XXYLT1: variants seen among roughly 807,000 people sequenced by gnomAD.
XXYLT1 encodes the protein xyloside xylosyltransferase 1.
A neutral mutation model predicts 28.9 loss-of-function variants in XXYLT1; 20 were observed. The ratio of observed to expected loss-of-function variants is 0.69; its 90% CI spans 0.49 to 1.00. The LOEUF (loss-of-function observed/expected upper bound fraction) is 1.00, where lower values mean the gene tolerates loss of function less well. Ranked by LOEUF, XXYLT1 falls within the 50% of genes least tolerant of loss-of-function variation. The probability of loss-of-function intolerance (pLI) is 0.00; values close to 1 mark genes in which losing one functional copy is unlikely to be tolerated. For missense variants in XXYLT1, 542 were observed against 560.1 expected (o/e 0.97, Z 0.33); for synonymous variants, 257 against 253.8 (o/e 1.01, Z -0.12).
intron 2 of XXYLT1, among the ~76,000 whole-genome samples, chr3:195,212,091 A>AC (rs1371826315): frequency 3.3e-5 from 4 of 121,484 alleles, no homozygotes; most frequent in African/African-American, 9.4e-5. Context: ...ACGGAATGCC[A>AC]TGGGAAGATC....
At position 195,110,047 on chromosome 3, in the gene XXYLT1, CGTGTGTGTG is replaced by C. The variant is rs1180291401; in HGVS notation, c.786-39945_786-39937del. Among the ~76,000 whole-genome samples the C allele has an allele frequency of 6.0e-4, 21 of 34,854 alleles. 6 individuals are homozygous for C. Among genetic ancestry groups the C allele is most frequent in the South Asian group, 2.0e-3 (2 of 982 alleles). The allele number at this position is 34,854 out of a possible 152,430, so 22.9% of individuals were successfully genotyped here. On this transcript the variant is annotated intron_variant, in intron 3 of 3. Transcript: ENST00000310380. ...AGTGTGCATGTCTGGTGTATGTGTGCGTGTGTGTGGTGTGTGTGGTGTCTGGTGTGTGTG... is the reference window on the plus strand; with the variant it reads ...AGTGTGCATGTCTGGTGTATGTGTGCGTGTGTGTGGTGTCTGGTGTGTGTG...
chr3:195,109,698 C>CTGTG (rs767695347), intron 3 of XXYLT1, among the ~76,000 whole-genome samples: 5,117 of 17,294 alleles, frequency 0.3, 1,291 homozygotes, highest in African/African-American at 0.46. Flanking sequence ...TGTGTGGTGT[C>CTGTG]TGGTGTGTGT....
chr3:195,164,944 G>A (rs1263059936), intron 2 of XXYLT1, among the ~76,000 whole-genome samples: 11 of 152,104 alleles, frequency 7.2e-5, no homozygotes, highest in Non-Finnish European at 2.9e-5. Flanking sequence ...GGTGAAATGT[G>A]TGGGGACTTC....
intron 3 of XXYLT1, among the ~76,000 whole-genome samples, chr3:195,111,866 G>A (rs1254764300): frequency 6.6e-6 from 1 of 152,196 alleles, no homozygotes; most frequent in Admixed American, 6.5e-5. Context: ...AGGTAAAGTG[G>A]CCTTCGGAAA....
intron 2 of XXYLT1, among the ~76,000 whole-genome samples, chr3:195,174,906 G>A (rs1721586473): frequency 6.6e-6 from 1 of 151,940 alleles, no homozygotes; most frequent in African/African-American, 2.4e-5. Flanking sequence ...GTGCCACCGT[G>A]CCCAGCCACA....
intron 2 of XXYLT1, among the ~76,000 whole-genome samples, chr3:195,169,304 G>C (rs1158010980): frequency 1.3e-5 from 2 of 152,252 alleles, no homozygotes; most frequent in Admixed American, 6.5e-5. Flanking sequence ...GAGTGTTCCA[G>C]GAGACCCAGG....
Position 195,069,992 on chromosome 3 carries a change from T to C in XXYLT1, c.905A>G (p.Gln302Arg). The C allele has an allele frequency of 6.2e-7, 1 of 1,608,138 alleles. No homozygotes were observed. Among genetic ancestry groups the C allele is most frequent in the Admixed American group, 1.7e-5 (1 of 60,006 alleles). The change falls in exon 4 of 4, where the codon CAG (glutamine) becomes CGG (arginine). Residue 302 changes from glutamine to arginine, a missense_variant. Gln to Arg is a conservative substitution (Grantham distance 43). Coordinates refer to ENST00000310380, the MANE Select transcript of XXYLT1 (RefSeq NM_152531.5). ...VMLLNLEAMR[Q>R]SPLYSRLLEP... is the part of the protein sequence containing the mutation. ...CAGCAGGCGGCTGTAGAGCGGGGAC[T>C]GGCGCATGGCCTCCAGGTTCAGCAA...
At chr3:195,102,760 G>A (rs751775073) in intron 3 of XXYLT1, among the ~76,000 whole-genome samples, 5 of 152,152 alleles carry the variant, frequency 3.3e-5, no homozygotes, top group Non-Finnish European at 7.3e-5. Flanking sequence ...TGTGAATAAC[G>A]TTGCCGTGAG....
intron 1 of XXYLT1, among the ~76,000 whole-genome samples, chr3:195,250,289 G>A (rs148589948): frequency 0.015 from 2,217 of 152,334 alleles, 26 homozygotes; most frequent in Non-Finnish European, 0.021. Flanking sequence ...CTGGCCGGGC[G>A]TGTTGGCTTA....
chr3:195,084,339 G>A (rs1365070734), intron 3 of XXYLT1, among the ~76,000 whole-genome samples: 1 of 152,054 alleles, frequency 6.6e-6, no homozygotes, highest in Non-Finnish European at 1.5e-5. Flanking sequence ...ATACTTAGAG[G>A]CAGGAGGCCC....
At chr3:195,160,732 T>C (rs1034280184) in intron 2 of XXYLT1, among the ~76,000 whole-genome samples, 3 of 152,194 alleles carry the variant, frequency 2.0e-5, no homozygotes, top group African/African-American at 7.2e-5. Context: ...ACGGTCCCCC[T>C]GTGCTCCACC....
At chr3:195,206,298 C>T (rs1723069403) in intron 2 of XXYLT1, among the ~76,000 whole-genome samples, 1 of 151,664 alleles carries the variant, frequency 6.6e-6, no homozygotes, top group Non-Finnish European at 1.5e-5. Context: ...GCGTGAGCCA[C>T]CACGCACGGC....
At chr3:195,117,835 C>G (rs1374025021) in intron 3 of XXYLT1, among the ~76,000 whole-genome samples, 1 of 152,248 alleles carries the variant, frequency 6.6e-6, no homozygotes, top group Non-Finnish European at 1.5e-5. Flanking sequence ...CTCAGTGCCA[C>G]TCAGCACTGG....
At chr3:195,165,545 TG>T (rs1337854348) in intron 2 of XXYLT1, among the ~76,000 whole-genome samples, 1 of 152,198 alleles carries the variant, frequency 6.6e-6, no homozygotes, top group Non-Finnish European at 1.5e-5. Context: ...CTCCACTTTA[TG>T]AGTCCAGAAA....
chr3:195,080,869 C>T (rs1278732558), intron 3 of XXYLT1, among the ~76,000 whole-genome samples: 1 of 152,242 alleles, frequency 6.6e-6, no homozygotes, highest in Non-Finnish European at 1.5e-5. Flanking sequence ...GTGGCTCACC[C>T]AGGCACGAAG....
At chr3:195,203,255 T>C (rs1033457041) in intron 2 of XXYLT1, among the ~76,000 whole-genome samples, 28 of 151,858 alleles carry the variant, frequency 1.8e-4, no homozygotes, top group East Asian at 7.7e-4. Flanking sequence ...AACAACCCAA[T>C]AGAAAAATGG....
At chr3:195,116,313 T>TAA (rs1193604007) in intron 3 of XXYLT1, among the ~76,000 whole-genome samples, 1 of 152,242 alleles carries the variant, frequency 6.6e-6, no homozygotes, top group African/African-American at 2.4e-5. Context: ...CCAGAATGCT[T>TAA]TAAGCCAATG....
rs181691767 is a variant in XXYLT1 at position 195,069,677 on chromosome 3, C to T, written c.*38G>A. Reference sequence around the variant, plus strand: ...GTCCCAAGGAACCCTGTCCTTCCCCCAGATCTGGAGGCCCCGGGGGCAAGG... The same window carrying T: ...GTCCCAAGGAACCCTGTCCTTCCCCTAGATCTGGAGGCCCCGGGGGCAAGG... On this transcript the variant is annotated 3_prime_UTR_variant, in exon 4 of 4. Transcript: ENST00000310380. The T allele has an allele frequency of 1.4e-3, 2,192 of 1,576,654 alleles. 13 individuals are homozygous for T. The highest frequency in any genetic ancestry group is 0.01 in the South Asian group (860 of 85,314).
At chr3:195,246,694 G>C (rs1188838507) in intron 1 of XXYLT1, among the ~76,000 whole-genome samples, 2 of 152,166 alleles carry the variant, frequency 1.3e-5, no homozygotes, top group African/African-American at 4.8e-5. Context: ...GGTGAGCAGG[G>C]GTCTGTGCTA....
Sources: allele counts gnomAD v4.1 joint callset (sites outside exome capture counted in the v4.1 genomes callset), GRCh38; gene constraint gnomAD v4.1.1; transcripts MANE v1.5; gene names NCBI Gene and HGNC (gene_info 2026-07-23, HGNC 2026-07-21).